OLFM2: variants seen among roughly 807,000 people sequenced by gnomAD.
OLFM2 encodes the protein noelin-2.
Under a neutral mutation model 43.9 loss-of-function variants are expected in OLFM2, and 20 were observed. That is an observed-to-expected ratio of 0.46 (90% CI 0.32 to 0.66). The LOEUF (loss-of-function observed/expected upper bound fraction) is 0.66, where lower values mean the gene tolerates loss of function less well. Ranked by LOEUF, OLFM2 falls within the 30% of genes least tolerant of loss-of-function variation. OLFM2 has a pLI of 0.04. For missense variants in OLFM2, 416 were observed against 643.6 expected (o/e 0.65, Z 3.83); for synonymous variants, 268 against 278.6 (o/e 0.96, Z 0.38).
At chr19:9,913,676 C>T (rs2046848660) in intron 1 of OLFM2, 2 of 1,106,048 alleles carry the variant, frequency 1.8e-6, no homozygotes, top group Non-Finnish European at 1.1e-6. Context: ...TGGCCCGCCG[C>T]GGGGCGCTCG....
intron 1 of OLFM2, among the ~76,000 whole-genome samples, chr19:9,867,376 A>C (rs1490194293): frequency 6.6e-6 from 1 of 152,162 alleles, no homozygotes; most frequent in Non-Finnish European, 1.5e-5. Flanking sequence ...GTCTCAAAAA[A>C]ACAACAATAA....
intron 1 of OLFM2, among the ~76,000 whole-genome samples, chr19:9,895,221 C>T (rs556345957): frequency 1.3e-5 from 2 of 152,218 alleles, no homozygotes; most frequent in Admixed American, 1.3e-4. Flanking sequence ...TGTGCAGTGG[C>T]TTATGCCTGT....
intron 1 of OLFM2, among the ~76,000 whole-genome samples, chr19:9,881,981 C>G (rs905746579): frequency 6.6e-6 from 1 of 152,220 alleles, no homozygotes; most frequent in Non-Finnish European, 1.5e-5. Flanking sequence ...CCTATAATCC[C>G]AACACCGTGG....
Position 9,904,415 on chromosome 19 carries a change from C to T in OLFM2, c.63+31889G>A, listed in dbSNP as rs138754928. ...CATGTTGGCCAGGCTAGTCTCGAAC[C>T]TCTGACCTCAGGTGATCCACCCACG... On this transcript the variant is annotated intron_variant, in intron 1 of 5. Transcript: ENST00000264833. 2.9e-3 allele frequency among the ~76,000 whole-genome samples: 439 copies of T among 151,792 alleles called. 4 individuals are homozygous for T. Among genetic ancestry groups the T allele is most frequent in the Middle Eastern group, 0.027 (8 of 294 alleles).
At chr19:9,903,376 G>A (rs1264820684) in intron 1 of OLFM2, among the ~76,000 whole-genome samples, 1 of 152,156 alleles carries the variant, frequency 6.6e-6, no homozygotes, top group Non-Finnish European at 1.5e-5. Flanking sequence ...ATGCTCACCA[G>A]GAGCCAAAAA....
At chr19:9,861,659 ATG>A (rs1158789706) in intron 1 of OLFM2, among the ~76,000 whole-genome samples, 4 of 152,256 alleles carry the variant, frequency 2.6e-5, no homozygotes, top group African/African-American at 9.6e-5. Context: ...GGTCAAATAA[ATG>A]TGTGTCACTG....
In OLFM2 at chr19:9,894,407, AATAATAAAT is replaced by A. The variant is rs1568378523; in HGVS notation, c.64-33622_64-33614del. ...TAATAATAATAATAATAATAATAATAATAATAAATAAATAAAATAAAGCCAGGTGCAGTG... is the reference window on the plus strand; with the variant it reads ...TAATAATAATAATAATAATAATAATAAAATAAAATAAAGCCAGGTGCAGTG... On this transcript the variant is annotated intron_variant, in intron 1 of 5. Coordinates refer to ENST00000264833, the MANE Select transcript of OLFM2 (RefSeq NM_058164.4). Among the ~76,000 whole-genome samples, 39 of 91,116 alleles carry A rather than the reference AATAATAAAT, an allele frequency of 4.3e-4. 1 individual carries two copies. The highest frequency in any genetic ancestry group is 1.3e-3 in the African/African-American group (30 of 23,656). The allele number at this position is 91,116 out of a possible 152,430, so 59.8% of individuals were successfully genotyped here.
chr19:9,929,552 C>T (rs1361656399), intron 1 of OLFM2, among the ~76,000 whole-genome samples: 2 of 151,532 alleles, frequency 1.3e-5, no homozygotes, highest in Non-Finnish European at 2.9e-5. Flanking sequence ...GCCGAGATTG[C>T]ACCACTTCAC....
chr19:9,882,823 T>C (rs1361001535), intron 1 of OLFM2, among the ~76,000 whole-genome samples: 6 of 150,402 alleles, frequency 4.0e-5, no homozygotes, highest in Admixed American at 3.3e-4. Context: ...GGTGGGAGGA[T>C]TGTTTGAGCT....
In OLFM2 at chr19:9,913,112, C is replaced by A. The variant is rs573174681; in HGVS notation, c.63+23192G>T. On this transcript the variant is annotated intron_variant, in intron 1 of 5. Transcript: ENST00000264833. ...AAACCCCCGAGTCTCACCCTCCTCC[C>A]GCTGCACCCCACTCAGCCCGGACTC... Among the ~76,000 whole-genome samples the A allele has an allele frequency of 9.2e-5, 14 of 152,170 alleles. No individual in the cohort carries two copies. The South Asian group carries it at 2.9e-3, about 32-fold the overall frequency.
intron 1 of OLFM2, among the ~76,000 whole-genome samples, chr19:9,896,102 T>A (rs1415812915): frequency 2.6e-4 from 37 of 142,268 alleles, no homozygotes; most frequent in African/African-American, 9.5e-4. Flanking sequence ...TTTTTTTTTT[T>A]TTTTTTTTTT....
chr19:9,913,500 C>G (rs2046846325), intron 1 of OLFM2: 1 of 1,138,498 alleles, frequency 8.8e-7, no homozygotes. Flanking sequence ...TCAGAGGCGC[C>G]CGCACGGGAC....
chr19:9,920,620 G>C (rs891447621), intron 1 of OLFM2, among the ~76,000 whole-genome samples: 4 of 152,040 alleles, frequency 2.6e-5, no homozygotes, highest in Non-Finnish European at 4.4e-5. Flanking sequence ...CTGGGGCTAG[G>C]CGCGGTGGCT....
chr19:9,891,496 G>A (rs141141430), intron 1 of OLFM2, among the ~76,000 whole-genome samples: 33 of 151,382 alleles, frequency 2.2e-4, no homozygotes, highest in African/African-American at 6.3e-4. Context: ...GTGCTGGCAC[G>A]TGCCTGTAGT....
At chr19:9,936,255 C>T in intron 1 of OLFM2, 49 bp downstream of exon 1, 1 of 1,523,396 alleles carries the variant, frequency 6.6e-7, no homozygotes, top group South Asian at 1.2e-5. Flanking sequence ...CCGCGCCCCC[C>T]TCCTCTCCCG....
Position 9,896,547 on chromosome 19 carries a change from C to A in OLFM2, c.64-35753G>T, listed in dbSNP as rs112103966. ...AAAGTGCTGGGATTATAGGTGTGAG[C>A]CACCACCTCACCTGGCCTTGCAAGG... On this transcript the variant is annotated intron_variant, in intron 1 of 5. Transcript: ENST00000264833. 2.8e-3 allele frequency among the ~76,000 whole-genome samples: 425 copies of A among 152,314 alleles called. 1 individual carries two copies. Among genetic ancestry groups the A allele is most frequent in the African/African-American group, 9.7e-3 (402 of 41,556 alleles).
intron 1 of OLFM2, among the ~76,000 whole-genome samples, chr19:9,873,062 A>G (rs188025885): frequency 6.2e-4 from 94 of 152,336 alleles, no homozygotes; most frequent in Non-Finnish European, 2.1e-4. Context: ...GAAAACTGAG[A>G]TACAGAGAAA....
intron 1 of OLFM2, among the ~76,000 whole-genome samples, chr19:9,877,427 G>A (rs2046499917): frequency 6.6e-6 from 1 of 151,886 alleles, no homozygotes; most frequent in Non-Finnish European, 1.5e-5. Context: ...CAGCTACTCT[G>A]TAGGCCGAGG....
intron 1 of OLFM2, among the ~76,000 whole-genome samples, chr19:9,926,176 C>T (rs941194054): frequency 5.3e-5 from 8 of 151,108 alleles, no homozygotes; most frequent in African/African-American, 2.4e-5. Flanking sequence ...CTGAAAACAA[C>T]CCAGTGTCTA....
Sources: gnomAD v4.1 joint callset for allele counts (sites outside exome capture counted in the v4.1 genomes callset) on GRCh38, gnomAD v4.1.1 for gene constraint, MANE v1.5 for transcripts, NCBI Gene and HGNC (gene_info 2026-07-23, HGNC 2026-07-21) for gene names.